Variants in AKR1D1 observed in about 807,000 individuals in gnomAD.
The protein encoded by AKR1D1 is delta(4)-3-ketosteroid 5-beta-reductase.
Under a neutral mutation model 42.6 loss-of-function variants are expected in AKR1D1, and 32 were observed. That is an observed-to-expected ratio of 0.75 (90% CI 0.57 to 1.01). AKR1D1 has a LOEUF of 1.01. AKR1D1 is among the 50% of genes least tolerant of loss of function. The pLI is 0.00. For synonymous variants in AKR1D1, 123 were observed against 135.5 expected (o/e 0.91, Z 0.64); for missense variants, 364 against 402.2 (o/e 0.91, Z 0.81).
At chr7:138,104,137 C>G (rs1585736816) in intron 4 of AKR1D1, among the ~76,000 whole-genome samples, 1 of 149,942 alleles carries the variant, frequency 6.7e-6, no homozygotes, top group African/African-American at 2.4e-5. Flanking sequence ...GATACTGTTT[C>G]AAAAAAAAAC....
chr7:138,086,258 T>C (rs1263831215), intron 1 of AKR1D1, among the ~76,000 whole-genome samples: 2 of 152,126 alleles, frequency 1.3e-5, no homozygotes, highest in African/African-American at 4.8e-5. Context: ...TTTATTTTCT[T>C]CCCTGTAAAT....
rs1794646130 is a variant in AKR1D1 at position 138,116,955 on chromosome 7, G to A, written c.*293G>A. On this transcript the variant is annotated 3_prime_UTR_variant, in exon 9 of 9. Transcript: ENST00000242375. The stretch of plus-strand genomic sequence containing the variant: ...TTACACTTCAGAAAAGACATCAAAG[G>A]CAACATATGACAACAAGTAATTTAT... 7.9e-6 allele frequency: 3 copies of A among 377,598 alleles called. No individual in the cohort carries two copies. The highest frequency in any genetic ancestry group is 4.8e-5 in the East Asian group (1 of 20,768). 23.4% of individuals were successfully genotyped at this position (377,598 alleles called of 1,614,324 possible). A position where few individuals can be genotyped will look rare whatever the true frequency, so the allele number is the denominator to read the frequency against.
rs1039959578 is a variant in AKR1D1, at chr7:138,109,022, AC to A, written c.855+1443del. Reference sequence around the variant, plus strand: ...TTTGCACATATATACATGGGTGCACACACACAGACAGATGTTTATTATAGAA... The same window carrying A: ...TTTGCACATATATACATGGGTGCACAACACAGACAGATGTTTATTATAGAA... On this transcript the variant is annotated intron_variant, in intron 7 of 8. Coordinates refer to ENST00000242375, the MANE Select transcript of AKR1D1 (RefSeq NM_005989.4). 3.5e-3 allele frequency among the ~76,000 whole-genome samples: 540 copies of A among 152,344 alleles called. 3 individuals are homozygous for A. The highest frequency in any genetic ancestry group is 0.013 in the African/African-American group (528 of 41,596).
At chr7:138,103,024 A>C (rs955203684) in intron 4 of AKR1D1, among the ~76,000 whole-genome samples, 1 of 152,232 alleles carries the variant, frequency 6.6e-6, no homozygotes, top group African/African-American at 2.4e-5. Context: ...GTATGCACAC[A>C]TTAAAATTCC....
At chr7:138,095,618 C>T (rs1334413159) in intron 3 of AKR1D1, among the ~76,000 whole-genome samples, 4 of 152,110 alleles carry the variant, frequency 2.6e-5, no homozygotes, top group South Asian at 2.1e-4. Context: ...CTCCGCCTCC[C>T]GGGTTCAAGC....
chr7:138,113,181 C>A (rs1306108661), intron 7 of AKR1D1, among the ~76,000 whole-genome samples: 1 of 151,762 alleles, frequency 6.6e-6, no homozygotes, highest in Non-Finnish European at 1.5e-5. Context: ...CCAGGCATGG[C>A]AAAACATGTC....
intron 1 of AKR1D1, among the ~76,000 whole-genome samples, chr7:138,082,394 G>T (rs143410697): frequency 4.0e-5 from 6 of 151,288 alleles, no homozygotes. Flanking sequence ...AGAGATGGGG[G>T]TCTTCTTCTG....
intron 7 of AKR1D1, among the ~76,000 whole-genome samples, chr7:138,110,303 T>C (rs897016677): frequency 5.9e-5 from 9 of 152,132 alleles, no homozygotes; most frequent in East Asian, 3.9e-4. Context: ...AAAAACTATG[T>C]AGTAAAAAGT....
chr7:138,094,004 T>C (rs984127130), intron 3 of AKR1D1, among the ~76,000 whole-genome samples: 3 of 152,222 alleles, frequency 2.0e-5, no homozygotes, highest in Non-Finnish European at 4.4e-5. Flanking sequence ...TAAAATTTAC[T>C]TCTCTGTGAC....
At chr7:138,100,186 A>G (rs1272821285) in intron 4 of AKR1D1, among the ~76,000 whole-genome samples, 1 of 151,738 alleles carries the variant, frequency 6.6e-6, no homozygotes, top group African/African-American at 2.4e-5. Context: ...AAAATGGAAT[A>G]ACAAAAATAA....
intron 3 of AKR1D1, among the ~76,000 whole-genome samples, chr7:138,094,633 A>G (rs917402561): frequency 6.6e-6 from 1 of 152,222 alleles, no homozygotes; most frequent in African/African-American, 2.4e-5. Flanking sequence ...CTCCTGCCTC[A>G]GCCTCCCAAG....
chr7:138,092,878 G>A (rs1006658879), intron 3 of AKR1D1, among the ~76,000 whole-genome samples: 2 of 152,126 alleles, frequency 1.3e-5, no homozygotes, highest in African/African-American at 4.8e-5. Flanking sequence ...TGAAGGCCTA[G>A]GTCATTACTG....
In AKR1D1 at chr7:138,116,626, C is replaced by G. The variant is rs138517404; in HGVS notation, c.945C>G (p.Arg315=). ...NVRFVELLMW[R]DHPEYPFHDE... ...GGGGGAATTGTTTTGGCAGGTGGCG[C>G]GATCATCCTGAATACCCATTTCATG... is the stretch of plus-strand genomic sequence containing the variant. The change falls in exon 9 of 9, where the codon CGC becomes CGG. Residue 315 remains arginine (R), a synonymous_variant. Transcript: ENST00000242375. The G allele has an allele frequency of 6.2e-7, 1 of 1,613,970 alleles. No individual in the cohort carries two copies. Among genetic ancestry groups the G allele is most frequent in the East Asian group, 2.2e-5 (1 of 44,888 alleles).
chr7:138,113,558 C>T (rs952389970), intron 7 of AKR1D1, 132 bp from the exon 8 acceptor site: 8 of 771,912 alleles, frequency 1.0e-5, no homozygotes, highest in Non-Finnish European at 1.8e-5. Flanking sequence ...GGGTAGCCCC[C>T]CAACACCAGC....
chr7:138,078,330 C>T (rs989722874), intron 1 of AKR1D1, among the ~76,000 whole-genome samples: 1 of 152,114 alleles, frequency 6.6e-6, no homozygotes, highest in African/African-American at 2.4e-5. Context: ...AAGAGCATCA[C>T]TAGATCTGTG....
intron 1 of AKR1D1, among the ~76,000 whole-genome samples, chr7:138,084,614 T>C (rs1285871180): frequency 6.6e-6 from 1 of 152,190 alleles, no homozygotes; most frequent in Non-Finnish European, 1.5e-5. Context: ...AGATTGTCTT[T>C]AATTGTGGAA....
intron 2 of AKR1D1, among the ~76,000 whole-genome samples, chr7:138,090,358 C>T (rs994989370): frequency 3.3e-5 from 5 of 151,988 alleles, no homozygotes; most frequent in South Asian, 2.1e-4. Flanking sequence ...TGATTCAGGC[C>T]GGGTGCAGTG....
At chr7:138,113,111 G>A (rs936711727) in intron 7 of AKR1D1, among the ~76,000 whole-genome samples, 5 of 152,162 alleles carry the variant, frequency 3.3e-5, no homozygotes, top group Admixed American at 2.6e-4. Flanking sequence ...GAGTTCAGGA[G>A]TTTGAGACCA....
intron 1 of AKR1D1, among the ~76,000 whole-genome samples, chr7:138,086,858 C>T (rs1366423012): frequency 6.6e-6 from 1 of 152,216 alleles, no homozygotes; most frequent in Non-Finnish European, 1.5e-5. Context: ...CACACACACG[C>T]TCTAAAAGAT....
Sources: allele counts gnomAD v4.1 joint callset (sites outside exome capture counted in the v4.1 genomes callset), GRCh38; gene constraint gnomAD v4.1.1; transcripts MANE v1.5; gene names NCBI Gene and HGNC (gene_info 2026-07-23, HGNC 2026-07-21).